The following DPP10 variants were observed in gnomAD, a reference collection of about 807,000 sequenced individuals.
DPP10 encodes dipeptidyl peptidase like 10, also known as inactive dipeptidyl peptidase 10.
DPP10 carries 33 observed loss-of-function variants against 120.9 expected under a neutral mutation model. That is an observed-to-expected ratio of 0.27 (90% CI 0.21 to 0.37). DPP10 has a LOEUF of 0.37. Ranked by LOEUF, DPP10 falls within the 10% of genes least tolerant of loss-of-function variation. The pLI, the probability that DPP10 is intolerant of heterozygous loss-of-function variation, is 1.00. For synonymous variants in DPP10, 337 were observed against 326.1 expected, an observed-to-expected ratio of 1.03 and a Z score of -0.36; for missense variants, 816 against 942.8, an observed-to-expected ratio of 0.87 and a Z score of 1.76.
intron 1 of DPP10, among the ~76,000 whole-genome samples, chr2:114,812,583 G>GACACACACACACACAC (rs3036385): frequency 0.049 from 6,605 of 134,200 alleles, 193 homozygotes; most frequent in Non-Finnish European, 0.063. Context: ...GTGAGACATT[G>GACACACACACACACAC]ACACACACAC....
intron 1 of DPP10, among the ~76,000 whole-genome samples, chr2:114,614,149 C>T (rs2105299215): frequency 6.6e-6 from 1 of 152,208 alleles, no homozygotes; most frequent in South Asian, 2.1e-4. Context: ...ATAAAATAAA[C>T]CCAAGCTTTG....
intron 1 of DPP10, among the ~76,000 whole-genome samples, chr2:115,040,574 T>C (rs1293858339): frequency 6.6e-6 from 1 of 151,742 alleles, no homozygotes. Flanking sequence ...CCTGGTGATA[T>C]GGTTTGGGCC....
intron 1 of DPP10, among the ~76,000 whole-genome samples, chr2:114,846,764 G>A (rs1688577737): frequency 6.6e-6 from 1 of 152,038 alleles, no homozygotes; most frequent in Non-Finnish European, 1.5e-5. Flanking sequence ...GAAAAGTGAA[G>A]GAGATTAAAC....
At chr2:114,901,595 T>G (rs1337053121) in intron 1 of DPP10, among the ~76,000 whole-genome samples, 1 of 152,172 alleles carries the variant, frequency 6.6e-6, no homozygotes, top group East Asian at 1.9e-4. Context: ...AAACTTTATT[T>G]TGTTCATGTC....
chr2:115,247,195 G>C (rs910366703), intron 1 of DPP10, among the ~76,000 whole-genome samples: 2 of 152,014 alleles, frequency 1.3e-5, no homozygotes, highest in African/African-American at 4.8e-5. Flanking sequence ...AGAAAAATGA[G>C]GAGAAGCTGG....
intron 1 of DPP10, among the ~76,000 whole-genome samples, chr2:115,281,079 T>A (rs1223303662): frequency 2.0e-5 from 3 of 152,194 alleles, no homozygotes; most frequent in African/African-American, 7.2e-5. Context: ...ATTTTTCTTT[T>A]TGTCTGATTG....
intron 1 of DPP10, among the ~76,000 whole-genome samples, chr2:114,655,025 G>A (rs1185702580): frequency 2.0e-5 from 3 of 152,124 alleles, no homozygotes; most frequent in Non-Finnish European, 4.4e-5. Context: ...ACTTAGATAA[G>A]TTAGTTAATA....
At chr2:114,899,761 TC>T (rs1226042740) in intron 1 of DPP10, among the ~76,000 whole-genome samples, 1 of 151,988 alleles carries the variant, frequency 6.6e-6, no homozygotes. Flanking sequence ...ATCGAGACCA[TC>T]CTGGCTAACA....
chr2:115,750,768 T>C (rs1559109487), intron 10 of DPP10, among the ~76,000 whole-genome samples: 1 of 152,140 alleles, frequency 6.6e-6, no homozygotes, highest in East Asian at 1.9e-4. Context: ...GATTAAGTTC[T>C]TTTTTTTAAG....
chr2:114,662,493 G>C (rs1486989774), intron 1 of DPP10, among the ~76,000 whole-genome samples: 8 of 152,134 alleles, frequency 5.3e-5, no homozygotes, highest in Non-Finnish European at 1.0e-4. Context: ...CAGACAACTT[G>C]AATGCGTGTG....
intron 1 of DPP10, among the ~76,000 whole-genome samples, chr2:114,625,764 G>A (rs1401823941): frequency 2.0e-5 from 3 of 151,908 alleles, no homozygotes; most frequent in Non-Finnish European, 4.4e-5. Flanking sequence ...AAGTCAGGTA[G>A]GCTCTTGAAT....
intron 1 of DPP10, among the ~76,000 whole-genome samples, chr2:115,095,297 T>C (rs1042517716): frequency 2.6e-5 from 4 of 152,122 alleles, no homozygotes; most frequent in African/African-American, 9.7e-5. Context: ...TTAGTGGAGT[T>C]CAAAGTGTGC....
intron 1 of DPP10, among the ~76,000 whole-genome samples, chr2:115,271,435 A>G (rs145095142): frequency 9.9e-4 from 151 of 152,322 alleles, no homozygotes; most frequent in African/African-American, 3.4e-3. Context: ...ACTGACTTCT[A>G]GAGTCTTTGC....
At position 115,275,701 on chromosome 2, in the gene DPP10, C is replaced by CTTTT. The variant is rs72078308; in HGVS notation, c.61-33525_61-33522dup. Reference sequence around the variant, plus strand: ...TATTCTAGTAAATTTCTTTTCTTTTCTTTTTTTTTTTTTTTTGAGACGGAG... The same window carrying CTTTT: ...TATTCTAGTAAATTTCTTTTCTTTTCTTTTTTTTTTTTTTTTTTTTGAGACGGAG... On this transcript the variant is annotated intron_variant, in intron 1 of 25. Transcript: ENST00000410059. Among the ~76,000 whole-genome samples, 275 of 131,828 alleles carry CTTTT rather than the reference C, an allele frequency of 2.1e-3. 2 individuals carry two copies. The highest frequency in any genetic ancestry group is 4.1e-3 in the Middle Eastern group (1 of 242). The allele number at this position is 131,828 out of a possible 152,430, so 86.5% of individuals were successfully genotyped here. A position where few individuals can be genotyped will look rare whatever the true frequency, so the allele number is the denominator to read the frequency against.
chr2:115,765,964 G>C (rs79289591), intron 12 of DPP10, among the ~76,000 whole-genome samples: 3,548 of 152,028 alleles, frequency 0.023, 97 homozygotes, highest in Non-Finnish European at 0.027. Context: ...GAGATGTATT[G>C]TGAATGAAGC....
intron 1 of DPP10, among the ~76,000 whole-genome samples, chr2:114,826,514 G>T (rs1490107849): frequency 6.6e-6 from 1 of 152,100 alleles, no homozygotes; most frequent in African/African-American, 2.4e-5. Context: ...TGGAATTAAA[G>T]TTGCAAAGGG....
intron 1 of DPP10, among the ~76,000 whole-genome samples, chr2:115,158,476 G>T (rs891929106): frequency 6.6e-6 from 1 of 152,184 alleles, no homozygotes; most frequent in Non-Finnish European, 1.5e-5. Context: ...TGTGAGTTCT[G>T]TCTACATGTG....
intron 1 of DPP10, among the ~76,000 whole-genome samples, chr2:114,815,120 T>C (rs550542889): frequency 1.2e-3 from 186 of 152,322 alleles, no homozygotes; most frequent in African/African-American, 4.2e-3. Context: ...CCTGGGATGG[T>C]GTTGGCAGGT....
chr2:115,811,994 C>G (rs1416833998), intron 19 of DPP10, among the ~76,000 whole-genome samples: 2 of 152,130 alleles, frequency 1.3e-5, no homozygotes, highest in African/African-American at 2.4e-5. Context: ...TCCTATAAAT[C>G]TAATCATGGT....
Sources: gnomAD v4.1 joint callset for allele counts (sites outside exome capture counted in the v4.1 genomes callset) on GRCh38, gnomAD v4.1.1 for gene constraint, MANE v1.5 for transcripts, NCBI Gene and HGNC (gene_info 2026-07-23, HGNC 2026-07-21) for gene names.